RAP1A: variants seen among roughly 807,000 people sequenced by gnomAD.
The protein encoded by RAP1A is RAP1A, member of RAS oncogene family.
Under a neutral mutation model 26.4 loss-of-function variants are expected in RAP1A, and 6 were observed. The observed-to-expected ratio is 0.23, with a 90% CI of 0.12 to 0.45. The LOEUF is 0.45. Ranked by LOEUF, RAP1A falls within the 20% of genes least tolerant of loss-of-function variation. The pLI is 0.99. For missense variants in RAP1A, 121 were observed against 217.2 expected, an observed-to-expected ratio of 0.56 and a Z score of 2.78; for synonymous variants, 73 against 79.4, an observed-to-expected ratio of 0.92 and a Z score of 0.43.
intron 6 of RAP1A, chr1:111,706,871 T>C (rs1662210609): frequency 5.8e-6 from 2 of 343,062 alleles, no homozygotes; most frequent in African/African-American, 4.5e-5. Flanking sequence ...CTGGCTAGTA[T>C]GAAGAAACTG....
chr1:111,633,392 G>A (rs1659632427), intron 1 of RAP1A, among the ~76,000 whole-genome samples: 3 of 152,184 alleles, frequency 2.0e-5, no homozygotes, highest in Admixed American at 6.5e-5. Flanking sequence ...CTCTATAGAT[G>A]TGTATCTATA....
chr1:111,642,002 T>C (rs1349335822), intron 1 of RAP1A, among the ~76,000 whole-genome samples: 1 of 152,182 alleles, frequency 6.6e-6, no homozygotes, highest in Non-Finnish European at 1.5e-5. Context: ...CCCAGCACTT[T>C]GGGAGGCCAA....
chr1:111,549,558 G>A (rs1657174845), intron 1 of RAP1A, among the ~76,000 whole-genome samples: 1 of 151,440 alleles, frequency 6.6e-6, no homozygotes, highest in South Asian at 2.1e-4. Flanking sequence ...GCTGAGACAG[G>A]AGAATCGCTT....
chr1:111,653,029 T>A (rs890832864), intron 1 of RAP1A, among the ~76,000 whole-genome samples: 1 of 152,084 alleles, frequency 6.6e-6, no homozygotes, highest in African/African-American at 2.4e-5. Context: ...CATCAACTGA[T>A]AAATAAACAA....
intron 1 of RAP1A, among the ~76,000 whole-genome samples, chr1:111,636,991 A>G (rs1238992940): frequency 6.6e-6 from 1 of 152,190 alleles, no homozygotes; most frequent in Non-Finnish European, 1.5e-5. Flanking sequence ...CTACTCCGGT[A>G]TACCTCATAA....
At chr1:111,544,767 A>G (rs1300245619) in intron 1 of RAP1A, among the ~76,000 whole-genome samples, 1 of 151,186 alleles carries the variant, frequency 6.6e-6, no homozygotes, top group East Asian at 1.9e-4. Flanking sequence ...GGTATATCCA[A>G]TTTGGTACAT....
At chr1:111,614,718 T>TAG (rs1343134360) in intron 1 of RAP1A, among the ~76,000 whole-genome samples, 3 of 152,202 alleles carry the variant, frequency 2.0e-5, no homozygotes, top group Non-Finnish European at 4.4e-5. Flanking sequence ...CTGTTAGAGT[T>TAG]AGACAGGGGT....
chr1:111,590,045 CA>C (rs1367702980), intron 1 of RAP1A, among the ~76,000 whole-genome samples: 1 of 152,224 alleles, frequency 6.6e-6, no homozygotes, highest in African/African-American at 2.4e-5. Context: ...TTTGGGATTA[CA>C]GGCGTGAGCC....
intron 1 of RAP1A, among the ~76,000 whole-genome samples, chr1:111,595,727 T>C (rs1658553336): frequency 6.6e-6 from 1 of 151,766 alleles, no homozygotes; most frequent in Admixed American, 6.6e-5. Context: ...ATGGGCAGAG[T>C]TGGCTATGGA....
intron 1 of RAP1A, among the ~76,000 whole-genome samples, chr1:111,689,909 C>G (rs895217906): frequency 2.0e-5 from 3 of 152,198 alleles, no homozygotes; most frequent in South Asian, 2.1e-4. Flanking sequence ...ATCTCCTGAC[C>G]TCGTGATCCA....
intron 1 of RAP1A, among the ~76,000 whole-genome samples, chr1:111,610,478 G>A (rs1658904480): frequency 6.6e-6 from 1 of 150,896 alleles, no homozygotes; most frequent in Non-Finnish European, 1.5e-5. Context: ...AAAGAAAAAG[G>A]ACATCTCCAG....
intron 1 of RAP1A, among the ~76,000 whole-genome samples, chr1:111,583,929 G>A (rs1658313935): frequency 7.1e-6 from 1 of 141,146 alleles, no homozygotes; most frequent in Admixed American, 7.4e-5. Context: ...TGCCCAGGCT[G>A]GAGTGCAGTG....
At chr1:111,670,293 G>A (rs1056848235) in intron 1 of RAP1A, among the ~76,000 whole-genome samples, 1 of 152,022 alleles carries the variant, frequency 6.6e-6, no homozygotes, top group Non-Finnish European at 1.5e-5. Context: ...GCAAGATGGC[G>A]AAACCCTGTC....
rs1178985278 is a variant in RAP1A, at chr1:111,648,262, C to G, written c.-28+28328C>G. The G allele has an allele frequency of 8.3e-6, 7 of 839,632 alleles. No homozygotes were observed. In the Admixed American group the frequency reaches 1.3e-4, roughly 16 times the overall value. The allele number at this position is 839,632 out of a possible 1,614,324, so 52.0% of individuals were successfully genotyped here. The stretch of plus-strand genomic sequence containing the variant: ...AACTTTTTATTGGCTTCCTGCTCCC[C>G]AAAGGGTACCCTGCTTCTGCTGGCT... On this transcript the variant is annotated intron_variant, in intron 1 of 7. Coordinates refer to ENST00000369709, the MANE Select transcript of RAP1A (RefSeq NM_002884.4).
intron 1 of RAP1A, chr1:111,648,839 G>C (rs1177371652): frequency 7.0e-6 from 5 of 714,016 alleles, no homozygotes; most frequent in Admixed American, 1.8e-5. Flanking sequence ...TGTCTGCCAT[G>C]ATCTTGCTGT....
chr1:111,554,620 C>T lies in RAP1A; in HGVS notation c.-28+12111C>T, dbSNP rs1657405561. On this transcript the variant is annotated intron_variant, in intron 1 of 7. Transcript: ENST00000356415. ...GCTCAGTGAATAATTAAAAGAGACA[C>T]ACATATACCCCTCAAAGGAATATGG... Among the ~76,000 whole-genome samples, 3 of 152,200 alleles carry T rather than the reference C, an allele frequency of 2.0e-5. No homozygotes were observed. The South Asian group carries it at 6.2e-4, about 31-fold the overall frequency.
At chr1:111,649,691 G>A (rs1173769604) in intron 1 of RAP1A, 3 of 153,590 alleles carry the variant, frequency 2.0e-5, no homozygotes, top group African/African-American at 7.2e-5. Flanking sequence ...GATTTTTGAG[G>A]TTTGGTTCCC....
intron 2 of RAP1A, 144 bp from the exon 3 acceptor site, chr1:111,695,197 A>T: frequency 2.5e-6 from 1 of 405,976 alleles, no homozygotes. Context: ...CCTTATATTG[A>T]AAGAATTAAT....
At chr1:111,664,060 C>T (rs988545892) in intron 1 of RAP1A, among the ~76,000 whole-genome samples, 8 of 152,088 alleles carry the variant, frequency 5.3e-5, no homozygotes, top group African/African-American at 1.9e-4. Context: ...CATAGAGGAA[C>T]TTTTATAGCC....
Sources: gnomAD v4.1 joint callset for allele counts (sites outside exome capture counted in the v4.1 genomes callset) on GRCh38, gnomAD v4.1.1 for gene constraint, MANE v1.5 for transcripts, NCBI Gene and HGNC (gene_info 2026-07-23, HGNC 2026-07-21) for gene names.